Variants in HIPK3 observed in about 807,000 individuals in gnomAD.
HIPK3 encodes homeodomain interacting protein kinase 3, also known as homeodomain-interacting protein kinase 3.
A neutral mutation model predicts 124.2 loss-of-function variants in HIPK3; 47 were observed. The ratio of observed to expected loss-of-function variants is 0.38; its 90% confidence interval spans 0.30 to 0.48. The LOEUF (loss-of-function observed/expected upper bound fraction) is 0.48. HIPK3 is among the 20% of genes least tolerant of loss of function. HIPK3 has a pLI of 0.98. For synonymous variants in HIPK3, 482 were observed against 515.2 expected (o/e 0.94, Z 0.87); for missense variants, 1,286 against 1,454.3 (o/e 0.88, Z 1.88).
intron 2 of HIPK3, among the ~76,000 whole-genome samples, chr11:33,305,445 T>G (rs1045092628): frequency 2.6e-5 from 4 of 152,236 alleles, no homozygotes; most frequent in Admixed American, 6.5e-5. Flanking sequence ...ATAATGATAT[T>G]TACTGACTGC....
rs769941829 is a variant in HIPK3 at position 33,353,979 on chromosome 11, G to C, written c.*411G>C. ...ATCCGTGTCTTAGTGTATAAATGTT[G>C]GGTCACTTACCTAAGAAATTGAGCT... On this transcript the variant is annotated 3_prime_UTR_variant, in exon 17 of 17. Transcript: ENST00000303296. 1.2e-5 allele frequency: 2 copies of C among 172,886 alleles called. No individual in the cohort carries two copies. Among genetic ancestry groups the C allele is most frequent in the Non-Finnish European group, 2.5e-5 (2 of 80,508 alleles). 10.7% of individuals were successfully genotyped at this position (172,886 alleles called of 1,614,324 possible).
intron 2 of HIPK3, among the ~76,000 whole-genome samples, chr11:33,299,932 G>A (rs1851947260): frequency 6.6e-6 from 1 of 151,324 alleles, no homozygotes; most frequent in Admixed American, 6.6e-5. Context: ...TGAGGTGGGA[G>A]GATTGCTTGT....
At position 33,349,300 on chromosome 11, in the gene HIPK3, C is replaced by T. The variant is rs1432317427; in HGVS notation, c.2807+13C>T. On this transcript the variant is annotated intron_variant, in intron 14 of 16. Transcript: ENST00000303296. ...AGAGACCGAATAGGTAAAAGAATCT[C>T]AATAGTAGTGTGTAATAAATAGTAA... is the stretch of plus-strand genomic sequence containing the variant. 1 of 1,601,794 alleles carries T rather than the reference C, an allele frequency of 6.2e-7. No individual in the cohort carries two copies. Among genetic ancestry groups the T allele is most frequent in the Non-Finnish European group, 8.5e-7 (1 of 1,173,808 alleles).
chr11:33,281,119 G>A (rs1484991740), intron 1 of HIPK3, among the ~76,000 whole-genome samples: 1 of 143,120 alleles, frequency 7.0e-6, no homozygotes, highest in Non-Finnish European at 1.5e-5. Context: ...GCCCAGGCTG[G>A]AGTGCAGTGG....
In HIPK3 at chr11:33,352,132, C is replaced by T. The variant is rs184551761; in HGVS notation, c.3044-6C>T. 2.1e-4 allele frequency: 343 copies of T among 1,611,356 alleles called. No homozygotes were observed. Among genetic ancestry groups the T allele is most frequent in the Non-Finnish European group, 2.6e-4 (308 of 1,178,114 alleles). ...ATAAACTCTTTAATATTTTATTCGT[C>T]GCCAGATTCTATATGCCAGCCATTA... On this transcript the variant is annotated splice_polypyrimidine_tract_variant and splice_region_variant and intron_variant, in intron 15 of 16. Coordinates refer to ENST00000303296, the MANE Select transcript of HIPK3 (RefSeq NM_005734.5).
chr11:33,286,175 T>C (rs757558082), intron 1 of HIPK3, among the ~76,000 whole-genome samples: 10 of 152,186 alleles, frequency 6.6e-5, no homozygotes, highest in Non-Finnish European at 1.2e-4. Context: ...TTCTTAGCCT[T>C]TTAACGCAAT....
intron 1 of HIPK3, among the ~76,000 whole-genome samples, chr11:33,265,772 C>CAAAAAA (rs55837408): frequency 1.4e-4 from 9 of 64,782 alleles, no homozygotes; most frequent in African/African-American, 1.9e-4. Context: ...GACCTTGTCT[C>CAAAAAA]AAAAAAAAAA....
At chr11:33,344,008 G>GT (rs895553431) in intron 8 of HIPK3, among the ~76,000 whole-genome samples, 2 of 152,080 alleles carry the variant, frequency 1.3e-5, no homozygotes, top group Non-Finnish European at 2.9e-5. Context: ...GTGTTTTTCA[G>GT]TTTTTTCCCC....
At chr11:33,309,584 C>T (rs914484387) in intron 2 of HIPK3, among the ~76,000 whole-genome samples, 4 of 152,210 alleles carry the variant, frequency 2.6e-5, no homozygotes, top group African/African-American at 9.7e-5. Context: ...TTAATTTAGA[C>T]CCAGTTAGCC....
At chr11:33,292,125 A>G in intron 2 of HIPK3, among the ~76,000 whole-genome samples, 1 of 152,250 alleles carries the variant, frequency 6.6e-6, no homozygotes, top group East Asian at 1.9e-4. Context: ...TCATTTTTTC[A>G]AAGTGCCTTT....
At chr11:33,346,931 G>T (rs1210025713) in intron 8 of HIPK3, among the ~76,000 whole-genome samples, 4 of 152,168 alleles carry the variant, frequency 2.6e-5, no homozygotes, top group Non-Finnish European at 1.5e-5. Context: ...GCTCATGCCT[G>T]TGATACCAGA....
chr11:33,301,313 C>T (rs1226337729), intron 2 of HIPK3, among the ~76,000 whole-genome samples: 1 of 152,102 alleles, frequency 6.6e-6, no homozygotes, highest in African/African-American at 2.4e-5. Context: ...ATACTGTGTT[C>T]CAAAGTTACT....
intron 1 of HIPK3, chr11:33,258,205 G>A: frequency 3.1e-6 from 2 of 642,210 alleles, no homozygotes; most frequent in Non-Finnish European, 3.9e-6. Flanking sequence ...GGGGGCCTCG[G>A]CCCCCCCTCC....
chr11:33,276,017 G>A (rs1212738687), intron 1 of HIPK3, among the ~76,000 whole-genome samples: 2 of 152,160 alleles, frequency 1.3e-5, no homozygotes, highest in African/African-American at 2.4e-5. Context: ...CCTGTCACTC[G>A]TTCTTGTTTT....
chr11:33,334,673 A>G (rs949113059), intron 3 of HIPK3, among the ~76,000 whole-genome samples: 4 of 152,138 alleles, frequency 2.6e-5, no homozygotes, highest in Non-Finnish European at 4.4e-5. Flanking sequence ...AATCACAAAA[A>G]AATCTCATAA....
At chr11:33,259,487 A>G (rs1344569866) in intron 1 of HIPK3, among the ~76,000 whole-genome samples, 2 of 152,224 alleles carry the variant, frequency 1.3e-5, no homozygotes, top group African/African-American at 4.8e-5. Flanking sequence ...AAGTTTTCAT[A>G]GTTTTATTGA....
intron 2 of HIPK3, among the ~76,000 whole-genome samples, chr11:33,307,724 T>C (rs1348195578): frequency 1.3e-5 from 2 of 151,874 alleles, no homozygotes; most frequent in Admixed American, 1.3e-4. Context: ...GTTTTGACTT[T>C]ATATATGTGC....
intron 2 of HIPK3, among the ~76,000 whole-genome samples, chr11:33,290,642 T>A (rs1024547433): frequency 2.1e-5 from 3 of 142,634 alleles, no homozygotes; most frequent in Non-Finnish European, 3.1e-5. Flanking sequence ...AAAAAAGTCT[T>A]TTTTTTTTTT....
At position 33,353,853 on chromosome 11, in the gene HIPK3, C is replaced by T. The variant is rs577771215; in HGVS notation, c.*285C>T. On this transcript the variant is annotated 3_prime_UTR_variant, in exon 17 of 17. Coordinates refer to ENST00000303296, the MANE Select transcript of HIPK3 (RefSeq NM_005734.5). ...CTATTTTTTATAAATTGCCTTCTAA[C>T]TAGTGCAAGACACGTCTACATTTGG... 3 of 373,866 alleles carry T rather than the reference C, an allele frequency of 8.0e-6. No homozygotes were observed. The highest frequency in any genetic ancestry group is 1.3e-4 in the East Asian group (2 of 15,784). 23.2% of individuals were successfully genotyped at this position (373,866 alleles called of 1,614,324 possible). A position where few individuals can be genotyped will look rare whatever the true frequency, so the allele number is the denominator to read the frequency against.
Sources: gnomAD v4.1 joint callset for allele counts (sites outside exome capture counted in the v4.1 genomes callset) on GRCh38, gnomAD v4.1.1 for gene constraint, MANE v1.5 for transcripts, NCBI Gene and HGNC (gene_info 2026-07-23, HGNC 2026-07-21) for gene names.